PCDHGA10: variants seen among roughly 807,000 people sequenced by gnomAD.
PCDHGA10 encodes the protein protocadherin gamma-A10.
A neutral mutation model predicts 59.5 loss-of-function variants in PCDHGA10; 42 were observed. That is an observed-to-expected ratio of 0.71 (90% CI 0.55 to 0.91). The LOEUF is 0.91. PCDHGA10 is among the 40% of genes least tolerant of loss of function. The pLI is 0.00. For missense variants in PCDHGA10, 1,111 were observed against 1,198.2 expected (o/e 0.93, Z 1.07); for synonymous variants, 511 against 517.2 (o/e 0.99, Z 0.16).
rs778246278 is a variant in PCDHGA10 at position 141,491,522 on chromosome 5, A to C, written c.2437-3285A>C. The C allele has an allele frequency of 6.2e-6, 10 of 1,614,024 alleles. No individual in the cohort carries two copies. The highest frequency in any genetic ancestry group is 8.5e-6 in the Non-Finnish European group (10 of 1,180,002). ...TCGGACGGCACGCTCAAGTACATGGAGGTGACGCTGCGGCCCACAGACTCG... is the reference window on the plus strand; with the variant it reads ...TCGGACGGCACGCTCAAGTACATGGCGGTGACGCTGCGGCCCACAGACTCG... On this transcript the variant is annotated intron_variant, in intron 1 of 3. Coordinates refer to ENST00000398610, the MANE Select transcript of PCDHGA10 (RefSeq NM_018913.3). The surrounding 1 kb of genome is among the most constrained non-coding windows in gnomAD (Gnocchi z 6.9).
rs1334123861 is a variant in PCDHGA10, at chr5:141,414,743, C to G, written c.1568C>G (p.Ser523Cys). The change falls in exon 1 of 4, where the codon TCC becomes TGC. Residue 523 changes from serine to cysteine, a missense_variant. Coordinates refer to ENST00000398610, the MANE Select transcript of PCDHGA10 (RefSeq NM_018913.3). ...ACTGGCGTCCTGTATGCACTCAGAT[C>G]CTTCGACTATGAGCAGTTTCATGAG... The part of the protein sequence containing the change: ...SDTGVLYALR[S>C]FDYEQFHELQ... 1.9e-6 allele frequency: 3 copies of G among 1,614,216 alleles called. No homozygotes were observed. In the East Asian group the frequency reaches 6.7e-5, roughly 36 times the overall value.
chr5:141,430,619 A>G lies in PCDHGA10; in HGVS notation c.2436+15008A>G, dbSNP rs192473783. ...CGCCTGAAGCACAAAGCAGATAGCT[A>G]GGAATGAACCATCCCTGGGAGTATG... On this transcript the variant is annotated intron_variant, in intron 1 of 3. Coordinates refer to ENST00000398610, the MANE Select transcript of PCDHGA10 (RefSeq NM_018913.3). 9.4e-5 allele frequency: 68 copies of G among 720,190 alleles called. 1 individual carries two copies. The African/African-American group carries it at 1.1e-3, about 12-fold the overall frequency. 44.6% of individuals were successfully genotyped at this position (720,190 alleles called of 1,614,324 possible). A position where few individuals can be genotyped will look rare whatever the true frequency, so the allele number is the denominator to read the frequency against.
chr5:141,460,614 G>A (rs10058360), intron 1 of PCDHGA10, among the ~76,000 whole-genome samples: 42,418 of 151,914 alleles, frequency 0.28, 6,648 homozygotes, highest in African/African-American at 0.43. Flanking sequence ...TAGATGGATA[G>A]ATAGACAGAT....
In PCDHGA10 at chr5:141,432,670, G is replaced by C; in HGVS notation, c.2436+17059G>C. On this transcript the variant is annotated intron_variant, in intron 1 of 3. Transcript: ENST00000398610. The surrounding 1 kb of genome is among the most constrained non-coding windows in gnomAD (Gnocchi z 6.0). ...CGCGAGCCCTGCTGGACAGAGACGCGCTCAAGCAGAGCCTCGTAGTGGCCG... is the reference window on the plus strand; with the variant it reads ...CGCGAGCCCTGCTGGACAGAGACGCCCTCAAGCAGAGCCTCGTAGTGGCCG... 1 of 1,613,868 alleles carries C rather than the reference G, an allele frequency of 6.2e-7. No homozygotes were observed. The highest frequency in any genetic ancestry group is 8.5e-7 in the Non-Finnish European group (1 of 1,179,940).
intron 1 of PCDHGA10, among the ~76,000 whole-genome samples, chr5:141,483,014 G>A (rs1401419953): frequency 1.3e-5 from 2 of 152,184 alleles, no homozygotes; most frequent in Non-Finnish European, 2.9e-5. Context: ...GAACCCGGGA[G>A]GCAGAGGTTG....
At chr5:141,505,913 T>C (rs1457583355) in intron 3 of PCDHGA10, among the ~76,000 whole-genome samples, 1 of 152,098 alleles carries the variant, frequency 6.6e-6, no homozygotes, top group African/African-American at 2.4e-5. Context: ...AAGCATAGAG[T>C]TCTGGGCCTG....
chr5:141,498,065 G>C (rs1197771947), intron 2 of PCDHGA10, among the ~76,000 whole-genome samples: 1 of 152,220 alleles, frequency 6.6e-6, no homozygotes, highest in Non-Finnish European at 1.5e-5. Context: ...GACTGAAACT[G>C]TCATAAGTGC....
chr5:141,433,222 A>G, intron 1 of PCDHGA10: 6 of 1,519,556 alleles, frequency 3.9e-6, no homozygotes, highest in Non-Finnish European at 5.4e-6. Flanking sequence ...TTTTTTTTTA[A>G]TTGCTCTGTC....
chr5:141,433,291 T>A, intron 1 of PCDHGA10: 1 of 1,094,048 alleles, frequency 9.1e-7, no homozygotes, highest in Non-Finnish European at 1.3e-6. Flanking sequence ...ACTCCTAGGC[T>A]CAAGCAATTA....
intron 1 of PCDHGA10, chr5:141,423,694 T>C (rs1008861889): frequency 1.3e-6 from 2 of 1,501,552 alleles, no homozygotes; most frequent in Middle Eastern, 1.8e-4. Flanking sequence ...TAATTGTTGG[T>C]GTCTTGGCAC....
In PCDHGA10 at chr5:141,487,268, G is replaced by A; in HGVS notation, c.2437-7539G>A. ...CCTCTACTTGGCTGTGTCCCTAGTG[G>A]CAATTTGCTTTGTCTCCTTTGGCTC... On this transcript the variant is annotated intron_variant, in intron 1 of 3. Transcript: ENST00000398610. This position sits in a 1 kb window ranked among gnomAD's most constrained non-coding sequence, Gnocchi z 5.0. 4 of 1,614,100 alleles carry A rather than the reference G, an allele frequency of 2.5e-6. No homozygotes were observed. The South Asian group carries it at 4.4e-5, about 18-fold the overall frequency.
intron 1 of PCDHGA10, among the ~76,000 whole-genome samples, chr5:141,472,980 C>CAAAAAAAAAAAAAA (rs60579131): frequency 5.8e-5 from 5 of 86,102 alleles, no homozygotes; most frequent in Admixed American, 1.2e-4. Context: ...GAGTGAAACT[C>CAAAAAAAAAAAAAA]AAAAAAAAAA....
chr5:141,422,577 T>G, intron 1 of PCDHGA10: 1 of 1,613,848 alleles, frequency 6.2e-7, no homozygotes, highest in Non-Finnish European at 8.5e-7. Context: ...ACGATAACCC[T>G]CCCGTTTTTC....
intron 1 of PCDHGA10, among the ~76,000 whole-genome samples, chr5:141,444,058 C>A (rs2154560450): frequency 6.8e-6 from 1 of 147,774 alleles, no homozygotes; most frequent in East Asian, 2.0e-4. Context: ...CATCTTCAAT[C>A]TAGATTCTGA....
intron 2 of PCDHGA10, among the ~76,000 whole-genome samples, chr5:141,502,186 CA>C (rs1470455379): frequency 1.3e-5 from 2 of 152,148 alleles, no homozygotes; most frequent in Non-Finnish European, 2.9e-5. Context: ...AACATTAATA[CA>C]ATAATATAGA....
rs895234762 is a variant in PCDHGA10 at position 141,476,911 on chromosome 5, A to G, written c.2437-17896A>G. 4 of 1,613,972 alleles carry G rather than the reference A, an allele frequency of 2.5e-6. No individual in the cohort carries two copies. The African/African-American group carries it at 4.0e-5, about 16-fold the overall frequency. On this transcript the variant is annotated intron_variant, in intron 1 of 3. Transcript: ENST00000398610. This position sits in a 1 kb window ranked among gnomAD's most constrained non-coding sequence, Gnocchi z 7.6. ...CACCCTCCGGCACGCGCGTGGTACA[A>G]GTCCTTGCAACGGATCTGGATGAAG...
intron 1 of PCDHGA10, among the ~76,000 whole-genome samples, chr5:141,426,115 G>A (rs574477590): frequency 4.6e-5 from 7 of 152,364 alleles, no homozygotes; most frequent in South Asian, 2.1e-4. Flanking sequence ...GAAGCAAGTC[G>A]GAGAGTGGCC....
intron 1 of PCDHGA10, among the ~76,000 whole-genome samples, chr5:141,457,459 C>G (rs749463185): frequency 1.6e-4 from 24 of 152,166 alleles, no homozygotes; most frequent in Non-Finnish European, 3.4e-4. Context: ...CCACTTGATT[C>G]ACAGGAATAA....
In PCDHGA10 at chr5:141,477,532, C is replaced by T. The variant is rs754570150; in HGVS notation, c.2437-17275C>T. On this transcript the variant is annotated intron_variant, in intron 1 of 3. Transcript: ENST00000398610. This position sits in a 1 kb window ranked among gnomAD's most constrained non-coding sequence, Gnocchi z 4.9. ...TTTACATTGAAGAAAACAACCTCCC[C>T]GGGGCTCCAATACTAAACCTAAGTG... 2.5e-6 allele frequency: 4 copies of T among 1,614,028 alleles called. No individual in the cohort carries two copies. Among genetic ancestry groups the T allele is most frequent in the Admixed American group, 1.7e-5 (1 of 60,000 alleles).
Sources: allele counts gnomAD v4.1 joint callset (sites outside exome capture counted in the v4.1 genomes callset), GRCh38; gene constraint gnomAD v4.1.1; non-coding constraint Gnocchi (gnomAD v3.1); transcripts MANE v1.5; gene names NCBI Gene and HGNC (gene_info 2026-07-23, HGNC 2026-07-21).